Variants in SNX31 observed in about 807,000 individuals in gnomAD.
SNX31 encodes sorting nexin 31.
In SNX31, 58 loss-of-function variants were observed where a neutral mutation model predicts 65.4. The observed-to-expected ratio is 0.89, with a 90% CI of 0.72 to 1.10. The LOEUF (loss-of-function observed/expected upper bound fraction) is 1.10. Among genes scored for constraint, SNX31 ranks in the 50% least tolerant of loss-of-function variants. The pLI is 0.00. For synonymous variants in SNX31, 181 were observed against 190.1 expected (o/e 0.95, Z 0.39); for missense variants, 523 against 529.7 (o/e 0.99, Z 0.12).
intron 3 of SNX31, among the ~76,000 whole-genome samples, chr8:100,631,360 C>T (rs182543971): frequency 4.7e-4 from 72 of 152,112 alleles, no homozygotes; most frequent in Admixed American, 4.2e-3. Flanking sequence ...CTCCTATATC[C>T]TGCGCTTCAG....
chr8:100,577,226 C>T (rs568685454), intron 12 of SNX31, 151 bp from the exon 13 acceptor site: 8 of 628,666 alleles, frequency 1.3e-5, no homozygotes, highest in Non-Finnish European at 2.2e-5. Flanking sequence ...GTCATCTGTG[C>T]ATTCCTCTTT....
At chr8:100,649,421 C>T in intron 1 of SNX31, 28 bp downstream of exon 1, 1 of 1,278,164 alleles carries the variant, frequency 7.8e-7, no homozygotes, top group Non-Finnish European at 1.1e-6. Context: ...CCCCTCCCTG[C>T]CCACCCTGAC....
chr8:100,588,847 G>T lies in SNX31; in HGVS notation c.1092+19C>A, dbSNP rs114762268. ...CATTTCAGCACAGAGGGTGTTCAAG[G>T]TCTGCCCTGAGAACTCACCTGTTTG... is the stretch of plus-strand genomic sequence containing the variant. On this transcript the variant is annotated intron_variant, in intron 11 of 13. Coordinates refer to ENST00000311812, the MANE Select transcript of SNX31 (RefSeq NM_152628.4). The surrounding 1 kb of genome is among the most constrained non-coding windows in gnomAD (Gnocchi z 4.8). 4 of 1,570,232 alleles carry T rather than the reference G, an allele frequency of 2.5e-6. No homozygotes were observed. The highest frequency in any genetic ancestry group is 3.5e-6 in the Non-Finnish European group (4 of 1,140,684).
intron 8 of SNX31, among the ~76,000 whole-genome samples, chr8:100,607,332 G>A (rs760248101): frequency 5.9e-4 from 90 of 152,238 alleles, no homozygotes; most frequent in Non-Finnish European, 1.0e-3. Context: ...ACCTGGGGCA[G>A]CTGGTGACCT....
chr8:100,620,875 GGATCACCTGAGGTCGGCA>G (rs1563559435), intron 4 of SNX31, among the ~76,000 whole-genome samples: 5 of 152,186 alleles, frequency 3.3e-5, no homozygotes, highest in South Asian at 2.1e-4. Flanking sequence ...TGAGGTGGGC[GGATCACCTGAGGTCGGCA>G]GATCACCTGA....
At chr8:100,600,485 T>C (rs779336643) in intron 8 of SNX31, 44 bp from the exon 9 acceptor site, 2 of 1,515,524 alleles carry the variant, frequency 1.3e-6, no homozygotes, top group East Asian at 4.5e-5. Flanking sequence ...TTAGCAGAAA[T>C]TAATCAATCT....
Position 100,572,996 on chromosome 8 carries a change from C to G in SNX31, c.*869G>C, listed in dbSNP as rs1390014755. 6.6e-6 allele frequency: 1 copy of G among 152,504 alleles called. No individual in the cohort carries two copies. Among genetic ancestry groups the G allele is most frequent in the African/African-American group, 2.4e-5 (1 of 41,408 alleles). 9.4% of individuals were successfully genotyped at this position (152,504 alleles called of 1,614,324 possible). On this transcript the variant is annotated 3_prime_UTR_variant, in exon 14 of 14. Transcript: ENST00000311812. ...ACACTATACAGATTCCTCTGATCAT[C>G]TCCCTTATTGTGGTCTTAATTCTAT...
At chr8:100,643,119 G>GAT (rs1819378955) in intron 2 of SNX31, among the ~76,000 whole-genome samples, 1 of 151,714 alleles carries the variant, frequency 6.6e-6, no homozygotes, top group African/African-American at 2.4e-5. Flanking sequence ...TGAACTTGGG[G>GAT]GGGGTGGAGG....
chr8:100,587,419 T>G (rs1814144224), intron 11 of SNX31, among the ~76,000 whole-genome samples: 2 of 152,210 alleles, frequency 1.3e-5, no homozygotes, highest in Non-Finnish European at 2.9e-5. Flanking sequence ...ACAGCACAGA[T>G]TCTGTTGCTG....
rs192130361 is a variant in SNX31, at chr8:100,596,791, G to T, written c.826C>A (p.Pro276Thr). 6.2e-7 allele frequency: 1 copy of T among 1,613,846 alleles called. No individual in the cohort carries two copies. Among genetic ancestry groups the T allele is most frequent in the Non-Finnish European group, 8.5e-7 (1 of 1,180,006 alleles). Residue 276 changes from proline to threonine, a missense_variant, in exon 10 of 14, where the codon CCT (proline) becomes ACT (threonine). Coordinates refer to ENST00000311812, the MANE Select transcript of SNX31 (RefSeq NM_152628.4). ...VRHYGYLQLD[P>T]CTCDYPESGS... ...GATTCTGGGTAGTCACAGGTACAAGGATCCAGCTGCAGGTATCCATAGTGC... is the reference window on the plus strand; with the variant it reads ...GATTCTGGGTAGTCACAGGTACAAGTATCCAGCTGCAGGTATCCATAGTGC...
At chr8:100,583,296 G>A (rs539289384) in intron 12 of SNX31, among the ~76,000 whole-genome samples, 233 of 151,834 alleles carry the variant, frequency 1.5e-3, no homozygotes, top group Non-Finnish European at 9.1e-4. Context: ...AGTGGAGATG[G>A]GGGTTCACCA....
At chr8:100,641,563 AAAATATATATATAT>A (rs1239743934) in intron 2 of SNX31, among the ~76,000 whole-genome samples, 2 of 22,604 alleles carry the variant, frequency 8.8e-5, no homozygotes, top group African/African-American at 6.2e-4. Flanking sequence ...AAAAAAAAAA[AAAATATATATATAT>A]ATATATATAT....
rs554844561 is a variant in SNX31 at position 100,626,957 on chromosome 8, A to G, written c.321+3370T>C. 1.6e-3 allele frequency among the ~76,000 whole-genome samples: 242 copies of G among 152,364 alleles called. 1 individual carries two copies. Among genetic ancestry groups the G allele is most frequent in the Non-Finnish European group, 2.7e-3 (186 of 68,032 alleles). On this transcript the variant is annotated intron_variant, in intron 4 of 13. Transcript: ENST00000311812. The surrounding 1 kb of genome is among the most constrained non-coding windows in gnomAD (Gnocchi z 4.4). Reference sequence around the variant, plus strand: ...TAGAAAAAGTAAAAAGAGGCACTGAAAAACACAGCTAGAGGTATAAGGCTT... The same window carrying G: ...TAGAAAAAGTAAAAAGAGGCACTGAGAAACACAGCTAGAGGTATAAGGCTT...
chr8:100,637,852 C>T (rs1010379680), intron 2 of SNX31, among the ~76,000 whole-genome samples: 3 of 152,110 alleles, frequency 2.0e-5, no homozygotes, highest in East Asian at 1.9e-4. Flanking sequence ...TGTGCCACCA[C>T]GCCCAGCTAA....
intron 10 of SNX31, among the ~76,000 whole-genome samples, chr8:100,589,416 A>G (rs534719609): frequency 6.6e-6 from 1 of 152,204 alleles, no homozygotes; most frequent in African/African-American, 2.4e-5. Flanking sequence ...GTAAATCACC[A>G]CAGTTTGATA....
chr8:100,655,660 A>G (rs764163551), intron 1 of SNX31, among the ~76,000 whole-genome samples: 1 of 152,174 alleles, frequency 6.6e-6, no homozygotes, highest in Non-Finnish European at 1.5e-5. Flanking sequence ...TAAATTACCT[A>G]GTCTCGAGTA....
intron 3 of SNX31, among the ~76,000 whole-genome samples, chr8:100,634,534 A>G (rs1234185098): frequency 2.0e-5 from 3 of 151,794 alleles, no homozygotes; most frequent in African/African-American, 7.3e-5. Context: ...ATCGTTTGAG[A>G]TCAGGAGCTC....
upstream of SNX31, among the ~76,000 whole-genome samples, chr8:100,652,829 G>A (rs1327109119): frequency 6.6e-6 from 1 of 151,980 alleles, no homozygotes; most frequent in Non-Finnish European, 1.5e-5. Flanking sequence ...GGATCATAAT[G>A]TCTGGTGCTC....
chr8:100,608,757 C>T (rs533223766), intron 7 of SNX31, among the ~76,000 whole-genome samples, 194 bp from the exon 8 acceptor site: 1 of 152,336 alleles, frequency 6.6e-6, no homozygotes, highest in East Asian at 1.9e-4. Context: ...ACACCGTAAG[C>T]TCTTGCCTGG....
Sources: gnomAD v4.1 joint callset for allele counts (sites outside exome capture counted in the v4.1 genomes callset) on GRCh38, gnomAD v4.1.1 for gene constraint, Gnocchi (gnomAD v3.1) non-coding constraint, MANE v1.5 for transcripts, NCBI Gene and HGNC (gene_info 2026-07-23, HGNC 2026-07-21) for gene names.